SGPL1: variants seen among roughly 807,000 people sequenced by gnomAD.
The protein encoded by SGPL1 is sphingosine-1-phosphate lyase 1, also known as SP-lyase 1.
A neutral mutation model predicts 68.9 loss-of-function variants in SGPL1; 37 were observed. That is an observed-to-expected ratio of 0.54 (90% confidence interval 0.41 to 0.71). SGPL1 has a LOEUF of 0.71. Among genes scored for constraint, SGPL1 ranks in the 30% least tolerant of loss-of-function variants. The probability of loss-of-function intolerance (pLI) is 0.00; values close to 1 mark genes in which losing one functional copy is unlikely to be tolerated. For synonymous variants in SGPL1, 236 were observed against 248.5 expected, an observed-to-expected ratio of 0.95 and a Z score of 0.47; for missense variants, 551 against 704.6, an observed-to-expected ratio of 0.78 and a Z score of 2.47.
intron 2 of SGPL1, among the ~76,000 whole-genome samples, chr10:70,819,216 C>A (rs1845292636): frequency 6.6e-6 from 1 of 152,226 alleles, no homozygotes; most frequent in Non-Finnish European, 1.5e-5. Context: ...GTTGCCACCA[C>A]CTTTCACCTC....
chr10:70,871,458 A>C (rs1846293857), intron 10 of SGPL1, among the ~76,000 whole-genome samples: 1 of 152,168 alleles, frequency 6.6e-6, no homozygotes, highest in South Asian at 2.1e-4. Context: ...AAAGGGTGAT[A>C]TTCCACATGC....
At chr10:70,821,517 G>C (rs1468803667) in intron 2 of SGPL1, among the ~76,000 whole-genome samples, 1 of 152,174 alleles carries the variant, frequency 6.6e-6, no homozygotes, top group Non-Finnish European at 1.5e-5. Flanking sequence ...ATCTAGGGCA[G>C]TGGTTCTTGA....
At position 70,844,522 on chromosome 10, in the gene SGPL1, C is replaced by A. The variant is rs776690273; in HGVS notation, c.77C>A (p.Ala26Asp). ...LEILEVYSTK[A>D]KNYVNGHCTK... ...ATTTTGGAAGTATACTCCACAAAAG[C>A]CAAGAATTATGTAAATGGACATTGC... is the stretch of plus-strand genomic sequence containing the variant. Residue 26 changes from alanine to aspartate, a missense_variant, in exon 3 of 15, where the codon GCC becomes GAC. Ala to Asp is a moderately radical substitution (Grantham distance 126, BLOSUM62 -2). Coordinates refer to ENST00000373202, the MANE Select transcript of SGPL1 (RefSeq NM_003901.4). 3.1e-6 allele frequency: 5 copies of A among 1,613,940 alleles called. No homozygotes were observed. The highest frequency in any genetic ancestry group is 4.2e-6 in the Non-Finnish European group (5 of 1,179,974).
At chr10:70,871,704 A>G (rs1388412334) in intron 10 of SGPL1, 133 bp from the exon 11 acceptor site, 9 of 774,234 alleles carry the variant, frequency 1.2e-5, no homozygotes, top group Admixed American at 2.7e-5. Flanking sequence ...AAAAATAGCC[A>G]TTTTTTAAAA....
At position 70,878,932 on chromosome 10, in the gene SGPL1, G is replaced by C. The variant is rs1169902043; in HGVS notation, c.*1597G>C. ...CTTCCCAAGACTAGCTGCTCAGGGTGGTGCAGGGACAGGACCAGACCCTGC... is the reference window on the plus strand; with the variant it reads ...CTTCCCAAGACTAGCTGCTCAGGGTCGTGCAGGGACAGGACCAGACCCTGC... On this transcript the variant is annotated 3_prime_UTR_variant, in exon 15 of 15. Coordinates refer to ENST00000373202, the MANE Select transcript of SGPL1 (RefSeq NM_003901.4). The C allele has an allele frequency of 3.3e-5, 5 of 152,724 alleles. No individual in the cohort carries two copies. The highest frequency in any genetic ancestry group is 1.5e-5 in the Non-Finnish European group (1 of 68,126). 9.5% of individuals were successfully genotyped at this position (152,724 alleles called of 1,614,324 possible).
chr10:70,851,284 A>G lies in SGPL1; in HGVS notation c.261+74A>G, dbSNP rs1845876344. The G allele has an allele frequency of 1.4e-5, 17 of 1,258,602 alleles. No homozygotes were observed. In the South Asian group the frequency reaches 1.6e-4, roughly 12 times the overall value. The allele number at this position is 1,258,602 out of a possible 1,614,324, so 78.0% of individuals were successfully genotyped here. On this transcript the variant is annotated intron_variant, in intron 4 of 14. Transcript: ENST00000373202. ...CTCTTTCTTTCTATTTACTAAACCT[A>G]ATATTCTCAAAGTGGAGGGGTGATT...
At chr10:70,834,536 T>A (rs1311127340) in intron 2 of SGPL1, among the ~76,000 whole-genome samples, 1 of 152,226 alleles carries the variant, frequency 6.6e-6, no homozygotes, top group African/African-American at 2.4e-5. Context: ...CTAATTTCTT[T>A]CCGTCTTTCT....
chr10:70,861,026 T>C (rs1282910069), intron 7 of SGPL1, among the ~76,000 whole-genome samples: 1 of 151,190 alleles, frequency 6.6e-6, no homozygotes, highest in Non-Finnish European at 1.5e-5. Flanking sequence ...CTTTTTTCTC[T>C]TTCTTTCCTT....
chr10:70,819,507 A>G (rs1845298977), intron 2 of SGPL1, among the ~76,000 whole-genome samples: 1 of 152,134 alleles, frequency 6.6e-6, no homozygotes, highest in Non-Finnish European at 1.5e-5. Context: ...TTTATATGAT[A>G]TGTAAAACAT....
At chr10:70,863,851 C>T (rs1450215666) in intron 7 of SGPL1, among the ~76,000 whole-genome samples, 1 of 152,048 alleles carries the variant, frequency 6.6e-6, no homozygotes, top group African/African-American at 2.4e-5. Context: ...GGTCTTTTTC[C>T]AGCCATCTCC....
At chr10:70,864,788 T>G (rs1253441733) in intron 7 of SGPL1, among the ~76,000 whole-genome samples, 1 of 152,220 alleles carries the variant, frequency 6.6e-6, no homozygotes, top group Admixed American at 6.5e-5. Flanking sequence ...TTATGCACTG[T>G]GGGTGCTTCC....
At chr10:70,857,563 T>C (rs767128902) in intron 5 of SGPL1, 51 bp from the exon 6 acceptor site, 1 of 1,444,852 alleles carries the variant, frequency 6.9e-7, no homozygotes, top group African/African-American at 1.4e-5. Flanking sequence ...TCAGAACCTG[T>C]CTTCCCAGAG....
At position 70,872,035 on chromosome 10, in the gene SGPL1, T is replaced by G. The variant is rs753803024; in HGVS notation, c.1059+49T>G. ...GTTACCAGTTGATTATTTTGACTAT[T>G]ATTGATAAAATAAATTGGTAGCTTC... On this transcript the variant is annotated intron_variant, in intron 11 of 14. Transcript: ENST00000373202. 6 of 1,553,350 alleles carry G rather than the reference T, an allele frequency of 3.9e-6. No individual in the cohort carries two copies. In the Admixed American group the frequency reaches 1.1e-4, roughly 30 times the overall value.
chr10:70,841,101 A>G (rs1845705655), intron 2 of SGPL1, among the ~76,000 whole-genome samples: 1 of 152,178 alleles, frequency 6.6e-6, no homozygotes. Context: ...AGAAATCATG[A>G]CATACTTTTG....
chr10:70,875,856 A>G (rs949317429), intron 13 of SGPL1, among the ~76,000 whole-genome samples: 7 of 152,196 alleles, frequency 4.6e-5, no homozygotes, highest in Non-Finnish European at 8.8e-5. Flanking sequence ...AATTGCTCTT[A>G]TAAAATACTT....
rs976690809 is a variant in SGPL1, at chr10:70,880,865, G to A, written c.*3530G>A. 5 of 152,158 alleles carry A rather than the reference G, an allele frequency of 3.3e-5. No homozygotes were observed. Among genetic ancestry groups the A allele is most frequent in the South Asian group, 4.1e-4 (2 of 4,822 alleles). 9.4% of individuals were successfully genotyped at this position (152,158 alleles called of 1,614,324 possible). A position where few individuals can be genotyped will look rare whatever the true frequency, so the allele number is the denominator to read the frequency against. On this transcript the variant is annotated 3_prime_UTR_variant, in exon 15 of 15. Transcript: ENST00000373202. Reference sequence around the variant, plus strand: ...GGAGGCCTGGCTTATCTAGGAAGTCGTGTCTGGGGTGCTTATTGCTGCTCC... The same window carrying A: ...GGAGGCCTGGCTTATCTAGGAAGTCATGTCTGGGGTGCTTATTGCTGCTCC...
intron 7 of SGPL1, among the ~76,000 whole-genome samples, chr10:70,867,605 C>T (rs542450372): frequency 2.0e-5 from 3 of 151,840 alleles, no homozygotes; most frequent in Non-Finnish European, 4.4e-5. Context: ...AGGTGTCAGC[C>T]ACTATGTCAG....
At chr10:70,868,499 T>G (rs896216641) in intron 8 of SGPL1, 66 bp downstream of exon 8, 11 of 1,267,860 alleles carry the variant, frequency 8.7e-6, no homozygotes, top group Middle Eastern at 3.7e-4. Flanking sequence ...TTTATGAAAC[T>G]AAAGCAGATA....
At chr10:70,869,521 T>G in intron 8 of SGPL1, 1 of 258,654 alleles carries the variant, frequency 3.9e-6, no homozygotes, top group Non-Finnish European at 7.4e-6. Flanking sequence ...CAGCCTAGCT[T>G]TATGCTTTGG....
Sources: gnomAD v4.1 joint callset for allele counts (sites outside exome capture counted in the v4.1 genomes callset) on GRCh38, gnomAD v4.1.1 for gene constraint, MANE v1.5 for transcripts, NCBI Gene and HGNC (gene_info 2026-07-23, HGNC 2026-07-21) for gene names.